GALNT13: variants seen among roughly 807,000 people sequenced by gnomAD.
The protein encoded by GALNT13 is polypeptide N-acetylgalactosaminyltransferase 13.
Under a neutral mutation model 64.2 loss-of-function variants are expected in GALNT13, and 28 were observed. The observed-to-expected ratio is 0.44, with a 90% confidence interval of 0.32 to 0.60. GALNT13 has a LOEUF of 0.60. GALNT13 is among the 20% of genes least tolerant of loss of function. GALNT13 has a pLI of 0.05. For missense variants in GALNT13, 577 were observed against 669.8 expected (o/e 0.86, Z 1.53); for synonymous variants, 214 against 224.6 (o/e 0.95, Z 0.42).
At chr2:153,394,282 C>T in the GALNT13 span, among the ~76,000 whole-genome samples, 1 of 152,050 alleles carries the variant, frequency 6.6e-6, no homozygotes, top group Non-Finnish European at 1.5e-5. Context: ...TACAATATAA[C>T]CTATATTTTC....
chr2:153,210,024 T>C, the GALNT13 span, among the ~76,000 whole-genome samples: 39 of 152,198 alleles, frequency 2.6e-4, no homozygotes, highest in Non-Finnish European at 5.0e-4. Context: ...ATATTGGTAT[T>C]GTACATTAAT....
the GALNT13 span, among the ~76,000 whole-genome samples, chr2:153,779,678 G>C: frequency 6.6e-6 from 1 of 152,104 alleles, no homozygotes; most frequent in East Asian, 1.9e-4. Context: ...AGGCAAAGCT[G>C]ATCTGTGTAT....
intron 4 of GALNT13, among the ~76,000 whole-genome samples, chr2:154,145,112 A>C (rs1469191397): frequency 2.8e-5 from 4 of 142,222 alleles, no homozygotes; most frequent in African/African-American, 7.5e-5. Flanking sequence ...ATATATATAT[A>C]TATATATACA....
the GALNT13 span, among the ~76,000 whole-genome samples, chr2:153,108,335 T>TAC: frequency 6.6e-6 from 1 of 152,180 alleles, no homozygotes; most frequent in Non-Finnish European, 1.5e-5. Context: ...ATGCTGTGTA[T>TAC]ACTGCAGTTG....
chr2:153,943,016 C>T (rs1039624891), intron 2 of GALNT13, among the ~76,000 whole-genome samples: 12 of 152,156 alleles, frequency 7.9e-5, no homozygotes, highest in Non-Finnish European at 1.6e-4. Flanking sequence ...ATCTTATTCA[C>T]ATCAATAAGC....
intron 4 of GALNT13, among the ~76,000 whole-genome samples, chr2:154,217,567 T>C (rs1688111600): frequency 6.6e-6 from 1 of 152,142 alleles, no homozygotes; most frequent in Non-Finnish European, 1.5e-5. Flanking sequence ...CTCATGAGTT[T>C]TATAGACCAT....
chr2:153,230,933 T>G, the GALNT13 span, among the ~76,000 whole-genome samples: 6 of 152,218 alleles, frequency 3.9e-5, no homozygotes, highest in Admixed American at 2.0e-4. Flanking sequence ...TTTTTAAATC[T>G]TCTTGACTGA....
chr2:154,218,138 T>C (rs1688141707), intron 4 of GALNT13, among the ~76,000 whole-genome samples: 1 of 152,148 alleles, frequency 6.6e-6, no homozygotes, highest in African/African-American at 2.4e-5. Context: ...AGGGCAAATA[T>C]GTAGTTAAGT....
At chr2:153,770,672 A>G in the GALNT13 span, among the ~76,000 whole-genome samples, 1 of 152,226 alleles carries the variant, frequency 6.6e-6, no homozygotes, top group Non-Finnish European at 1.5e-5. Flanking sequence ...GTCACAGCTG[A>G]TACACATAGG....
chr2:153,982,118 A>AT (rs1314803184), intron 3 of GALNT13, among the ~76,000 whole-genome samples: 4 of 151,998 alleles, frequency 2.6e-5, no homozygotes, highest in African/African-American at 7.2e-5. Flanking sequence ...AGAAATTAAC[A>AT]TTTTTTCTCT....
the GALNT13 span, among the ~76,000 whole-genome samples, chr2:153,711,166 C>A: frequency 6.6e-6 from 1 of 152,064 alleles, no homozygotes. Context: ...TTGAAAGAGT[C>A]ATTTATCAAA....
chr2:153,865,547 A>C, the GALNT13 span, among the ~76,000 whole-genome samples: 1 of 91,932 alleles, frequency 1.1e-5, no homozygotes. Flanking sequence ...GCAGCCAAAA[A>C]ACACATGAAA....
At chr2:153,655,057 A>G in the GALNT13 span, among the ~76,000 whole-genome samples, 1 of 152,144 alleles carries the variant, frequency 6.6e-6, no homozygotes. Flanking sequence ...GCAAATTCAT[A>G]TTATCAATTT....
At chr2:154,033,125 A>T (rs946218755) in intron 3 of GALNT13, among the ~76,000 whole-genome samples, 1 of 151,882 alleles carries the variant, frequency 6.6e-6, no homozygotes, top group Non-Finnish European at 1.5e-5. Flanking sequence ...GCAATTAGAG[A>T]TCTATATCTA....
At chr2:153,938,894 A>G (rs147184962) in intron 2 of GALNT13, among the ~76,000 whole-genome samples, 232 of 152,276 alleles carry the variant, frequency 1.5e-3, no homozygotes, top group African/African-American at 5.2e-3. Flanking sequence ...ACTTGCACCC[A>G]TGGATTTTTG....
chr2:154,273,975 A>C (rs919869995), intron 8 of GALNT13, among the ~76,000 whole-genome samples: 1 of 152,104 alleles, frequency 6.6e-6, no homozygotes, highest in Non-Finnish European at 1.5e-5. Flanking sequence ...AATATATAAG[A>C]AGGTTTTTTC....
the GALNT13 span, among the ~76,000 whole-genome samples, chr2:153,233,267 T>G: frequency 3.3e-5 from 5 of 152,152 alleles, no homozygotes; most frequent in Admixed American, 2.6e-4. Flanking sequence ...TGAGTGGCAA[T>G]TGCTTCCTTT....
the GALNT13 span, among the ~76,000 whole-genome samples, chr2:153,214,521 T>C: frequency 6.6e-6 from 1 of 152,172 alleles, no homozygotes; most frequent in Non-Finnish European, 1.5e-5. Context: ...CATTGATACA[T>C]GGAAGCATGT....
chr2:154,401,999 A>G (rs1699322761), intron 10 of GALNT13, among the ~76,000 whole-genome samples: 2 of 152,210 alleles, frequency 1.3e-5, no homozygotes, highest in Admixed American at 6.5e-5. Flanking sequence ...AAGAGCAATC[A>G]TATTATGGAA....
Sources: allele counts gnomAD v4.1 joint callset (sites outside exome capture counted in the v4.1 genomes callset), GRCh38; gene constraint gnomAD v4.1.1; transcripts MANE v1.5; gene names NCBI Gene and HGNC (gene_info 2026-07-23, HGNC 2026-07-21).